The following NXPE2 variants were observed in gnomAD, a reference collection of about 807,000 sequenced individuals.
NXPE2 encodes NXPE family member 2.
In NXPE2, 34 loss-of-function variants were observed where a neutral mutation model predicts 34.4. The ratio of observed to expected loss-of-function variants is 0.99; its 90% CI spans 0.75 to 1.31. The LOEUF (loss-of-function observed/expected upper bound fraction) is 1.31, where lower values mean the gene tolerates loss of function less well. Among genes scored for constraint, NXPE2 ranks in the 40% most tolerant of loss-of-function variants. The pLI is 0.00. For missense variants in NXPE2, 649 were observed against 672.5 expected, an observed-to-expected ratio of 0.97 and a Z score of 0.39; for synonymous variants, 235 against 231.3, an observed-to-expected ratio of 1.02 and a Z score of -0.15.
the NXPE2 span, among the ~76,000 whole-genome samples, chr11:114,626,675 T>C: frequency 6.6e-6 from 1 of 152,208 alleles, no homozygotes; most frequent in Non-Finnish European, 1.5e-5. Flanking sequence ...GGACGGAGAA[T>C]GACTTTGATG....
intron 3 of NXPE2, among the ~76,000 whole-genome samples, chr11:114,699,420 T>C (rs993510907): frequency 5.9e-5 from 9 of 152,228 alleles, no homozygotes; most frequent in African/African-American, 2.2e-4. Flanking sequence ...TTAAAAGCTT[T>C]AAGATGACCC....
At chr11:114,722,673 G>A in the NXPE2 span, among the ~76,000 whole-genome samples, 1 of 152,144 alleles carries the variant, frequency 6.6e-6, no homozygotes, top group Admixed American at 6.6e-5. Flanking sequence ...CAGACTCAGA[G>A]ATGCCACTAA....
the NXPE2 span, among the ~76,000 whole-genome samples, chr11:114,667,490 C>A: frequency 6.6e-6 from 1 of 152,044 alleles, no homozygotes; most frequent in East Asian, 1.9e-4. Flanking sequence ...GAACCCAATT[C>A]CCCACCTCTT....
the NXPE2 span, chr11:114,522,515 A>C: frequency 6.4e-7 from 1 of 1,561,198 alleles, no homozygotes; most frequent in Non-Finnish European, 8.7e-7. Context: ...TGATAAAAAA[A>C]CAAATAGATG....
At chr11:114,694,342 T>C (rs1369324545) in intron 2 of NXPE2, among the ~76,000 whole-genome samples, 4 of 152,218 alleles carry the variant, frequency 2.6e-5, no homozygotes, top group Non-Finnish European at 4.4e-5. Flanking sequence ...GGTAAAGTTT[T>C]CTTTCCTGTA....
intron 4 of NXPE2, among the ~76,000 whole-genome samples, chr11:114,704,856 T>C (rs1951442747): frequency 1.3e-5 from 2 of 152,218 alleles, no homozygotes; most frequent in Admixed American, 6.5e-5. Flanking sequence ...GTTCTTAGAT[T>C]CTTGAGGCAA....
chr11:114,706,885 T>C lies in NXPE2; in HGVS notation c.1635T>C (p.Tyr545=), dbSNP rs751992246. 1.3e-6 allele frequency: 2 copies of C among 1,551,104 alleles called. No individual in the cohort carries two copies. The highest frequency in any genetic ancestry group is 1.7e-6 in the Non-Finnish European group (2 of 1,146,260). ...CCAACAATGCCCATCCACCGGATTA[T>C]GTGATTCAAAATCAGATTGGCATGT... The part of the protein sequence containing the change: ...YCTNNAHPPD[Y]VIQNQIGMFL... Residue 545 remains tyrosine, a synonymous_variant, in exon 6 of 6, where the codon TAT becomes TAC. Transcript: ENST00000389586.
chr11:114,696,714 G>C (rs1951265473), intron 2 of NXPE2, among the ~76,000 whole-genome samples: 1 of 152,150 alleles, frequency 6.6e-6, no homozygotes, highest in African/African-American at 2.4e-5. Flanking sequence ...ATTGTTCTTA[G>C]TAATTGATAA....
chr11:114,753,359 C>T, the NXPE2 span, among the ~76,000 whole-genome samples: 5 of 151,806 alleles, frequency 3.3e-5, no homozygotes, highest in East Asian at 3.9e-4. Context: ...CTCTACTGCA[C>T]GTCAGCCTCG....
the NXPE2 span, among the ~76,000 whole-genome samples, chr11:114,792,243 G>A: frequency 1.3e-5 from 2 of 152,134 alleles, no homozygotes; most frequent in African/African-American, 4.8e-5. Flanking sequence ...AGCCCTTGGT[G>A]AAGCAGTTCT....
At chr11:114,661,143 G>A in the NXPE2 span, among the ~76,000 whole-genome samples, 3 of 152,124 alleles carry the variant, frequency 2.0e-5, no homozygotes, top group East Asian at 5.8e-4. Flanking sequence ...TTGTGGATGG[G>A]CAGGTTCAAT....
At chr11:114,809,164 C>T in the NXPE2 span, among the ~76,000 whole-genome samples, 2 of 152,094 alleles carry the variant, frequency 1.3e-5, no homozygotes, top group East Asian at 3.9e-4. Context: ...TAAAAACTCT[C>T]AATAAATTAG....
chr11:114,755,421 C>T, the NXPE2 span, among the ~76,000 whole-genome samples: 3 of 152,100 alleles, frequency 2.0e-5, no homozygotes, highest in Non-Finnish European at 4.4e-5. Context: ...TCTTTTTCTG[C>T]CTCTATTTTT....
At chr11:114,577,126 G>T in the NXPE2 span, among the ~76,000 whole-genome samples, 15 of 130,622 alleles carry the variant, frequency 1.1e-4, no homozygotes, top group African/African-American at 4.0e-4. Context: ...TATATATAAA[G>T]TTATATATAT....
chr11:114,778,972 CAA>C, the NXPE2 span, among the ~76,000 whole-genome samples: 6 of 152,200 alleles, frequency 3.9e-5, no homozygotes, highest in African/African-American at 7.2e-5. Context: ...TAATTAGAAA[CAA>C]AGTTTATCAT....
intron 3 of NXPE2, among the ~76,000 whole-genome samples, chr11:114,702,378 C>T (rs942577023): frequency 6.6e-6 from 1 of 152,084 alleles, no homozygotes; most frequent in African/African-American, 2.4e-5. Context: ...GTAGCCGGGT[C>T]TCAATCTCTT....
chr11:114,657,771 C>A, the NXPE2 span, among the ~76,000 whole-genome samples: 1 of 152,078 alleles, frequency 6.6e-6, no homozygotes, highest in East Asian at 1.9e-4. Context: ...CCTGATTTAG[C>A]ACTTACCATT....
At chr11:114,660,022 T>A in the NXPE2 span, among the ~76,000 whole-genome samples, 1 of 152,034 alleles carries the variant, frequency 6.6e-6, no homozygotes, top group Admixed American at 6.6e-5. Flanking sequence ...AAGAATCATA[T>A]CTATAAATTC....
At chr11:114,546,033 T>C in the NXPE2 span, among the ~76,000 whole-genome samples, 5 of 152,024 alleles carry the variant, frequency 3.3e-5, no homozygotes, top group Non-Finnish European at 7.4e-5. Flanking sequence ...AATAAGGAGA[T>C]TGAGGGACTA....
Sources: gnomAD v4.1 joint callset for allele counts (sites outside exome capture counted in the v4.1 genomes callset) on GRCh38, gnomAD v4.1.1 for gene constraint, MANE v1.5 for transcripts, NCBI Gene and HGNC (gene_info 2026-07-23, HGNC 2026-07-21) for gene names.